Variants in ADCY5 observed in about 807,000 individuals in gnomAD.
ADCY5 encodes the protein adenylate cyclase 5.
In ADCY5, 30 loss-of-function variants were observed where a neutral mutation model predicts 119.7. The observed-to-expected ratio is 0.25, with a 90% CI of 0.19 to 0.34. The LOEUF (loss-of-function observed/expected upper bound fraction) is 0.34. ADCY5 is among the 10% of genes least tolerant of loss of function. The probability of loss-of-function intolerance (pLI) is 1.00; values close to 1 mark genes in which losing one functional copy is unlikely to be tolerated. For missense variants in ADCY5, 1,324 were observed against 1,775.2 expected, an observed-to-expected ratio of 0.75 and a Z score of 4.57; for synonymous variants, 753 against 762.2, an observed-to-expected ratio of 0.99 and a Z score of 0.20.
intron 7 of ADCY5, 95 bp from the exon 8 acceptor site, chr3:123,325,557 T>A: frequency 6.6e-7 from 1 of 1,507,946 alleles, no homozygotes; most frequent in Non-Finnish European, 9.1e-7. Flanking sequence ...GGTAAGGGGC[T>A]AAGGCAGCTG....
rs544508031 is a variant in ADCY5, at chr3:123,318,239, C to A, written c.2257-122G>T. The A allele has an allele frequency of 1.9e-5, 13 of 694,770 alleles. No homozygotes were observed. The South Asian group carries it at 2.2e-4, about 12-fold the overall frequency. 43.0% of individuals were successfully genotyped at this position (694,770 alleles called of 1,614,324 possible). A position where few individuals can be genotyped will look rare whatever the true frequency, so the allele number is the denominator to read the frequency against. On this transcript the variant is annotated intron_variant, in intron 10 of 20. Coordinates refer to ENST00000462833, the MANE Select transcript of ADCY5 (RefSeq NM_183357.3). ...TGGTCACCTGTGCAGCCCACTCCCA[C>A]AACAGGGAAGACTCGAGAACCAGAG...
At chr3:123,399,303 C>G (rs1944690130) in intron 1 of ADCY5, among the ~76,000 whole-genome samples, 1 of 152,146 alleles carries the variant, frequency 6.6e-6, no homozygotes, top group South Asian at 2.1e-4. Flanking sequence ...ACTCAGTTTA[C>G]CTGTTTCTTT....
At chr3:123,436,202 T>G (rs1340267472) in intron 1 of ADCY5, among the ~76,000 whole-genome samples, 1 of 151,786 alleles carries the variant, frequency 6.6e-6, no homozygotes. Context: ...GACCCCATTT[T>G]TATTTTAAAA....
intron 1 of ADCY5, among the ~76,000 whole-genome samples, chr3:123,374,099 A>G (rs755917942): frequency 2.4e-4 from 37 of 152,300 alleles, no homozygotes; most frequent in Non-Finnish European, 4.7e-4. Flanking sequence ...TTCAGATTGC[A>G]AATGCCTCTG....
intron 1 of ADCY5, among the ~76,000 whole-genome samples, chr3:123,360,538 T>C (rs1054640779): frequency 6.6e-6 from 1 of 152,114 alleles, no homozygotes; most frequent in Non-Finnish European, 1.5e-5. Context: ...TAAGATAAAG[T>C]CCAAACTCCT....
At chr3:123,322,413 G>T (rs1236416235) in intron 8 of ADCY5, among the ~76,000 whole-genome samples, 1 of 152,216 alleles carries the variant, frequency 6.6e-6, no homozygotes, top group Non-Finnish European at 1.5e-5. Flanking sequence ...GTGCTGAGTA[G>T]GGGGCTGGGA....
At chr3:123,376,524 A>G (rs189452642) in intron 1 of ADCY5, among the ~76,000 whole-genome samples, 1 of 152,244 alleles carries the variant, frequency 6.6e-6, no homozygotes, top group Admixed American at 6.5e-5. Flanking sequence ...AGGAGGGGAC[A>G]CCTATTCCTA....
intron 1 of ADCY5, among the ~76,000 whole-genome samples, chr3:123,429,643 T>C (rs1004211896): frequency 1.3e-4 from 19 of 151,592 alleles, no homozygotes; most frequent in Non-Finnish European, 4.4e-5. Context: ...AGTGACAGAG[T>C]GAGGCATCTT....
At chr3:123,303,280 C>T in intron 13 of ADCY5, 61 bp from the exon 14 acceptor site, 1 of 1,548,040 alleles carries the variant, frequency 6.5e-7, no homozygotes. Context: ...GGTAGAGCAG[C>T]CCAGCCCACC....
intron 11 of ADCY5, among the ~76,000 whole-genome samples, chr3:123,314,643 G>A (rs1018172796): frequency 2.0e-5 from 3 of 152,234 alleles, no homozygotes; most frequent in African/African-American, 7.2e-5. Flanking sequence ...GGTGACACCT[G>A]ATAGGTATTT....
chr3:123,345,845 G>A (rs1262206681), intron 3 of ADCY5, among the ~76,000 whole-genome samples: 3 of 151,264 alleles, frequency 2.0e-5, no homozygotes, highest in Non-Finnish European at 4.4e-5. Flanking sequence ...CTGTTAGCCT[G>A]AGGGCTCCCC....
At chr3:123,432,272 T>C (rs1460034566) in intron 1 of ADCY5, among the ~76,000 whole-genome samples, 1 of 152,258 alleles carries the variant, frequency 6.6e-6, no homozygotes, top group Non-Finnish European at 1.5e-5. Flanking sequence ...CTCACATTTA[T>C]TGTCCTTCAA....
chr3:123,378,909 T>C (rs1290998491), intron 1 of ADCY5, among the ~76,000 whole-genome samples: 2 of 152,192 alleles, frequency 1.3e-5, no homozygotes, highest in East Asian at 1.9e-4. Context: ...GACGTTCCCA[T>C]GCAAGTGACA....
chr3:123,343,774 G>T (rs75195356), intron 3 of ADCY5, among the ~76,000 whole-genome samples: 1 of 152,170 alleles, frequency 6.6e-6, no homozygotes, highest in Non-Finnish European at 1.5e-5. Context: ...TATCTGGGGT[G>T]GGGGAGGACA....
At chr3:123,385,307 A>ACACACACG (rs1231942064) in intron 1 of ADCY5, among the ~76,000 whole-genome samples, 2,252 of 151,294 alleles carry the variant, frequency 0.015, 14 homozygotes, top group Middle Eastern at 0.034. Context: ...ACACACACAC[A>ACACACACG]CACGCACGCA....
At chr3:123,336,466 C>G (rs1942030143) in intron 3 of ADCY5, among the ~76,000 whole-genome samples, 1 of 152,268 alleles carries the variant, frequency 6.6e-6, no homozygotes, top group Non-Finnish European at 1.5e-5. Flanking sequence ...CGACCAGTGG[C>G]TGGTCCACCC....
Position 123,289,768 on chromosome 3 carries a change from T to A in ADCY5, c.3514A>T (p.Asn1172Tyr). The A allele has an allele frequency of 6.2e-7, 1 of 1,613,936 alleles. No homozygotes were observed. The highest frequency in any genetic ancestry group is 8.5e-7 in the Non-Finnish European group (1 of 1,180,002). Residue 1172 changes from asparagine to tyrosine, a missense_variant, in exon 19 of 21, where the codon AAC becomes TAC. Asn to Tyr is a moderately radical substitution (Grantham distance 143, BLOSUM62 -2). Around this residue, in one of 6 missense-constraint regions of ADCY5, gnomAD observed 178 missense variants for 329.6 expected, o/e 0.54. Coordinates refer to ENST00000462833, the MANE Select transcript of ADCY5 (RefSeq NM_183357.3). Reference sequence around the variant, plus strand: ...CACTCACCGATCTTCATCTGGAAGTTGTTGAAGGAGTGCTCATTGATGTAC... The same window carrying A: ...CACTCACCGATCTTCATCTGGAAGTAGTTGAAGGAGTGCTCATTGATGTAC... Reference protein sequence around the residue: ...MKYINEHSFNNFQMKIGLNIG... With the variant: ...MKYINEHSFNYFQMKIGLNIG...
At chr3:123,378,812 G>C (rs1045778291) in intron 1 of ADCY5, among the ~76,000 whole-genome samples, 5 of 152,234 alleles carry the variant, frequency 3.3e-5, no homozygotes, top group African/African-American at 1.2e-4. Context: ...TCATGCCTTT[G>C]TTTCCCCAAA....
At chr3:123,381,165 C>T (rs529044653) in intron 1 of ADCY5, among the ~76,000 whole-genome samples, 28 of 152,326 alleles carry the variant, frequency 1.8e-4, no homozygotes, top group Non-Finnish European at 3.2e-4. Context: ...ATTATTGGAG[C>T]GCAGTAGTCT....
Sources: gnomAD v4.1 joint callset for allele counts (sites outside exome capture counted in the v4.1 genomes callset) on GRCh38, gnomAD v4.1.1 for gene constraint, gnomAD v4.1.1 regional missense constraint, MANE v1.5 for transcripts, NCBI Gene and HGNC (gene_info 2026-07-23, HGNC 2026-07-21) for gene names.